The following SPINK8 variants were observed in gnomAD, a reference collection of about 807,000 sequenced individuals.
SPINK8 encodes the protein serine peptidase inhibitor Kazal type 8 (putative).
In SPINK8, 12 loss-of-function variants were observed where a neutral mutation model predicts 14.4. The observed-to-expected ratio is 0.83, with a 90% CI of 0.53 to 1.35. SPINK8 has a LOEUF of 1.35. SPINK8 is among the 40% of genes most tolerant of loss of function. The probability of loss-of-function intolerance (pLI) is 0.00; values close to 1 mark genes in which losing one functional copy is unlikely to be tolerated. For missense variants in SPINK8, 103 were observed against 117.0 expected, an observed-to-expected ratio of 0.88 and a Z score of 0.55; for synonymous variants, 32 against 37.6, an observed-to-expected ratio of 0.85 and a Z score of 0.55.
chr3:48,317,937 T>A (rs1346269888), intron 6 of SPINK8, among the ~76,000 whole-genome samples: 6 of 151,918 alleles, frequency 3.9e-5, no homozygotes, highest in African/African-American at 1.5e-4. Flanking sequence ...AGAGTCAGGG[T>A]CTCGCTATGT....
intron 7 of SPINK8, among the ~76,000 whole-genome samples, chr3:48,308,059 C>T (rs761227185): frequency 4.7e-5 from 7 of 149,448 alleles, no homozygotes; most frequent in Non-Finnish European, 7.4e-5. Flanking sequence ...CTGCAAGCTC[C>T]ACCTCCCGGG....
intron 2 of SPINK8, among the ~76,000 whole-genome samples, chr3:48,329,660 C>A (rs906178717): frequency 1.3e-5 from 2 of 152,140 alleles, no homozygotes; most frequent in African/African-American, 4.8e-5. Context: ...TATAGAGGTT[C>A]TATTTATTTT....
intron 5 of SPINK8, among the ~76,000 whole-genome samples, chr3:48,320,571 A>G (rs901835579): frequency 1.3e-5 from 2 of 152,096 alleles, no homozygotes. Context: ...ATTCTGATGA[A>G]CATTATCATA....
At chr3:48,309,794 T>G in intron 7 of SPINK8, 110 bp downstream of exon 7, 2 of 1,325,528 alleles carry the variant, frequency 1.5e-6, no homozygotes, top group African/African-American at 3.1e-5. Flanking sequence ...TCTACTTTTA[T>G]GTATGTTTGA....
Position 48,309,959 on chromosome 3 carries a change from A to G in SPINK8, c.240-13T>C. The stretch of plus-strand genomic sequence containing the variant: ...AAGCCCTTCAAATCTGAAAGAAATT[A>G]TATTTTAAAATTATTTTTGCTGTAT... On this transcript the variant is annotated splice_polypyrimidine_tract_variant and intron_variant, in intron 6 of 7. Coordinates refer to ENST00000434006, the MANE Select transcript of SPINK8 (RefSeq NM_001080525.3). 1 of 1,411,102 alleles carries G rather than the reference A, an allele frequency of 7.1e-7. No homozygotes were observed. The highest frequency in any genetic ancestry group is 9.2e-7 in the Non-Finnish European group (1 of 1,081,820). The allele number at this position is 1,411,102 out of a possible 1,614,324, so 87.4% of individuals were successfully genotyped here. A position where few individuals can be genotyped will look rare whatever the true frequency, so the allele number is the denominator to read the frequency against.
chr3:48,313,548 A>T (rs1461370895), intron 6 of SPINK8, among the ~76,000 whole-genome samples: 1 of 152,222 alleles, frequency 6.6e-6, no homozygotes, highest in Non-Finnish European at 1.5e-5. Flanking sequence ...CCTATAGAAA[A>T]GTTTGATGGT....
At chr3:48,313,010 G>C (rs1462049090) in intron 6 of SPINK8, among the ~76,000 whole-genome samples, 3 of 124,628 alleles carry the variant, frequency 2.4e-5, no homozygotes, top group Non-Finnish European at 5.8e-5. Flanking sequence ...AAAAAAAAAA[G>C]ATCAATGGGC....
At chr3:48,323,743 T>C (rs1438567064) in intron 4 of SPINK8, among the ~76,000 whole-genome samples, 1 of 152,212 alleles carries the variant, frequency 6.6e-6, no homozygotes, top group East Asian at 1.9e-4. Context: ...TTAAAATCAA[T>C]TCACTCCAAA....
chr3:48,320,419 G>A (rs1343831241), intron 5 of SPINK8, among the ~76,000 whole-genome samples: 3 of 151,910 alleles, frequency 2.0e-5, no homozygotes, highest in South Asian at 2.1e-4. Flanking sequence ...GTGGTGGCAC[G>A]TACCTGTAGT....
At chr3:48,312,996 CAAA>C (rs57016387) in intron 6 of SPINK8, among the ~76,000 whole-genome samples, 1 of 122,012 alleles carries the variant, frequency 8.2e-6, no homozygotes. Flanking sequence ...GACTCTGTCT[CAAA>C]AAAAAAAAAA....
At chr3:48,321,690 TG>T (rs2107101306) in intron 4 of SPINK8, among the ~76,000 whole-genome samples, 1 of 150,178 alleles carries the variant, frequency 6.7e-6, no homozygotes, top group African/African-American at 2.4e-5. Flanking sequence ...GGTGCATGCC[TG>T]TAGTCCCAGC....
chr3:48,310,855 A>G (rs1022761642), intron 6 of SPINK8, among the ~76,000 whole-genome samples: 5 of 152,208 alleles, frequency 3.3e-5, no homozygotes, highest in African/African-American at 1.2e-4. Flanking sequence ...TCCAAACAAT[A>G]CAAGAGGAGG....
intron 6 of SPINK8, among the ~76,000 whole-genome samples, chr3:48,312,626 A>G (rs536570665): frequency 6.6e-6 from 1 of 152,002 alleles, no homozygotes; most frequent in South Asian, 2.1e-4. Flanking sequence ...TTGGGTGACA[A>G]AGTGAGACCC....
At position 48,309,958 on chromosome 3, in the gene SPINK8, T is replaced by G. The variant is rs944430559; in HGVS notation, c.240-12A>C. 2.8e-6 allele frequency: 4 copies of G among 1,412,018 alleles called. No individual in the cohort carries two copies. The highest frequency in any genetic ancestry group is 3.7e-6 in the Non-Finnish European group (4 of 1,082,526). The allele number at this position is 1,412,018 out of a possible 1,614,324, so 87.5% of individuals were successfully genotyped here. A position where few individuals can be genotyped will look rare whatever the true frequency, so the allele number is the denominator to read the frequency against. On this transcript the variant is annotated splice_polypyrimidine_tract_variant and intron_variant, in intron 6 of 7. Coordinates refer to ENST00000434006, the MANE Select transcript of SPINK8 (RefSeq NM_001080525.3). Reference sequence around the variant, plus strand: ...TAAGCCCTTCAAATCTGAAAGAAATTATATTTTAAAATTATTTTTGCTGTA... The same window carrying G: ...TAAGCCCTTCAAATCTGAAAGAAATGATATTTTAAAATTATTTTTGCTGTA...
Position 48,332,468 on chromosome 3 carries a change from T to C in SPINK8, c.-238A>G, listed in dbSNP as rs1342336470. Among the ~76,000 whole-genome samples, 1 of 152,218 alleles carries C rather than the reference T, an allele frequency of 6.6e-6. No individual in the cohort carries two copies. The highest frequency in any genetic ancestry group is 1.5e-5 in the Non-Finnish European group (1 of 68,026). On this transcript the variant is annotated 5_prime_UTR_variant, in exon 2 of 8. Transcript: ENST00000434006. ...AGAAAGGCAGTAGGATTTTCTTCCT[T>C]TCCCTGTGTTATAGTGGGCATCATT...
chr3:48,319,991 G>T lies in SPINK8; in HGVS notation c.118-373C>A, dbSNP rs527743631. 2.6e-5 allele frequency among the ~76,000 whole-genome samples: 4 copies of T among 151,842 alleles called. No homozygotes were observed. The South Asian group carries it at 8.3e-4, about 32-fold the overall frequency. ...TAAAAATACAAAAAATTAGCCGGGCGTGGTGGTGGGCGCCTGTAGTCCCAG... is the reference window on the plus strand; with the variant it reads ...TAAAAATACAAAAAATTAGCCGGGCTTGGTGGTGGGCGCCTGTAGTCCCAG... On this transcript the variant is annotated intron_variant, in intron 5 of 7. Transcript: ENST00000434006.
In SPINK8 at chr3:48,328,814, A is replaced by G. The variant is rs116629862; in HGVS notation, c.-14+339T>C. On this transcript the variant is annotated intron_variant, in intron 3 of 7. Coordinates refer to ENST00000434006, the MANE Select transcript of SPINK8 (RefSeq NM_001080525.3). ...CAACATGTGTAAGTCAACAGGCAATAAGAAACAAGAAGGGACAAAACACCA... is the reference window on the plus strand; with the variant it reads ...CAACATGTGTAAGTCAACAGGCAATGAGAAACAAGAAGGGACAAAACACCA... Among the ~76,000 whole-genome samples the G allele has an allele frequency of 2.5e-3, 384 of 152,274 alleles. 2 individuals are homozygous for G. The highest frequency in any genetic ancestry group is 8.7e-3 in the African/African-American group (362 of 41,566).
intron 7 of SPINK8, 142 bp downstream of exon 7, chr3:48,309,762 G>T (rs2035898977): frequency 1.6e-6 from 2 of 1,214,350 alleles, no homozygotes; most frequent in African/African-American, 1.6e-5. Flanking sequence ...CACATGATAG[G>T]CTTATGGGAT....
rs1170798328 is a variant in SPINK8, at chr3:48,328,305, C to T, written c.37G>A (p.Ala13Thr). ...GCAAAGGCCATCCACATGGAGGTAGCTAGAACAAGGATGGCGTCTGAGCAG... is the reference window on the plus strand; with the variant it reads ...GCAAAGGCCATCCACATGGAGGTAGTTAGAACAAGGATGGCGTCTGAGCAG... ...GICSDAILVL[A>T]TSMWMAFAID... Residue 13 changes from alanine (A) to threonine (T), a missense_variant, in exon 4 of 8, where the codon GCT becomes ACT. By Grantham distance (58) the Ala-to-Thr change is moderately conservative. Coordinates refer to ENST00000434006, the MANE Select transcript of SPINK8 (RefSeq NM_001080525.3). The T allele has an allele frequency of 1.9e-6, 3 of 1,611,504 alleles. No individual in the cohort carries two copies. The Admixed American group carries it at 5.0e-5, about 27-fold the overall frequency.
Sources: allele counts gnomAD v4.1 joint callset (sites outside exome capture counted in the v4.1 genomes callset), GRCh38; gene constraint gnomAD v4.1.1; transcripts MANE v1.5; gene names NCBI Gene and HGNC (gene_info 2026-07-23, HGNC 2026-07-21).